The following SEMA5A variants were observed in gnomAD, a reference collection of about 807,000 sequenced individuals.
The protein encoded by SEMA5A is semaphorin-5A.
Under a neutral mutation model 135.5 loss-of-function variants are expected in SEMA5A, and 55 were observed. The observed-to-expected ratio is 0.41, with a 90% CI of 0.33 to 0.51. SEMA5A has a LOEUF of 0.51. Ranked by LOEUF, SEMA5A falls within the 20% of genes least tolerant of loss-of-function variation. SEMA5A has a pLI of 0.37. For missense variants in SEMA5A, 1,290 were observed against 1,419.9 expected (o/e 0.91, Z 1.47); for synonymous variants, 580 against 546.5 (o/e 1.06, Z -0.85).
At chr5:9,184,679 T>C (rs1744712415) in intron 11 of SEMA5A, among the ~76,000 whole-genome samples, 1 of 152,248 alleles carries the variant, frequency 6.6e-6, no homozygotes. Flanking sequence ...CTTCTATTTA[T>C]TCGCTTATCT....
At chr5:9,142,607 C>T (rs12519618) in intron 12 of SEMA5A, among the ~76,000 whole-genome samples, 135,773 of 152,230 alleles carry the variant, frequency 0.89, 61,182 homozygotes, top group Non-Finnish European at 0.97. Flanking sequence ...AAAATCTGTC[C>T]CATTCCTAAG....
At chr5:9,278,538 G>A (rs779251628) in intron 5 of SEMA5A, among the ~76,000 whole-genome samples, 3 of 152,224 alleles carry the variant, frequency 2.0e-5, no homozygotes, top group Non-Finnish European at 2.9e-5. Flanking sequence ...TAATCACCAA[G>A]GCAATGGGGA....
chr5:9,064,746 A>C (rs563783831), intron 17 of SEMA5A, among the ~76,000 whole-genome samples: 10 of 152,220 alleles, frequency 6.6e-5, no homozygotes, highest in Non-Finnish European at 1.2e-4. Flanking sequence ...ACAAGCAAAA[A>C]CCAAAAAATT....
At position 9,216,902 on chromosome 5, in the gene SEMA5A, T is replaced by C. The variant is rs77313226; in HGVS notation, c.646+7772A>G. ...TCATGTGACACAGGTCTCTTGAAGA[T>C]AGCACACTATTGAGTCTTGCCTCTT... On this transcript the variant is annotated intron_variant, in intron 8 of 22. Coordinates refer to ENST00000382496, the MANE Select transcript of SEMA5A (RefSeq NM_003966.3). 7.6e-3 allele frequency among the ~76,000 whole-genome samples: 1,152 copies of C among 152,332 alleles called. 15 individuals carry two copies. Among genetic ancestry groups the C allele is most frequent in the African/African-American group, 0.026 (1,098 of 41,576 alleles).
chr5:9,160,115 G>T (rs1403130095), intron 11 of SEMA5A, among the ~76,000 whole-genome samples: 2 of 152,098 alleles, frequency 1.3e-5, no homozygotes, highest in African/African-American at 4.8e-5. Context: ...AACCACCATG[G>T]CACACATATA....
At chr5:9,463,408 T>C (rs374622) in intron 1 of SEMA5A, among the ~76,000 whole-genome samples, 66,163 of 151,976 alleles carry the variant, frequency 0.44, 14,834 homozygotes, top group East Asian at 0.58. Context: ...GTCAGGACAA[T>C]ATCATGAACA....
chr5:9,307,244 G>A (rs971562234), intron 5 of SEMA5A, among the ~76,000 whole-genome samples: 2 of 152,174 alleles, frequency 1.3e-5, no homozygotes, highest in Admixed American at 1.3e-4. Context: ...ATTAAACATT[G>A]TGTTCTAATG....
chr5:9,234,666 C>T (rs1362930752), intron 6 of SEMA5A, among the ~76,000 whole-genome samples: 1 of 152,190 alleles, frequency 6.6e-6, no homozygotes, highest in Non-Finnish European at 1.5e-5. Context: ...GTGCTTGACA[C>T]TCATCTTCAT....
chr5:9,120,101 T>C (rs911273085), intron 14 of SEMA5A, among the ~76,000 whole-genome samples: 1 of 152,176 alleles, frequency 6.6e-6, no homozygotes, highest in African/African-American at 2.4e-5. Context: ...ATTTTATGTG[T>C]TAAAATATAT....
intron 8 of SEMA5A, among the ~76,000 whole-genome samples, chr5:9,220,899 A>G (rs945839045): frequency 6.6e-6 from 1 of 152,208 alleles, no homozygotes; most frequent in Non-Finnish European, 1.5e-5. Flanking sequence ...CAAAGGGCAG[A>G]GAAGATGAGA....
intron 4 of SEMA5A, among the ~76,000 whole-genome samples, chr5:9,329,816 T>C (rs535432375): frequency 5.8e-4 from 89 of 152,330 alleles, no homozygotes; most frequent in African/African-American, 2.0e-3. Flanking sequence ...CCAAAATCCA[T>C]GGATGCTCCA....
chr5:9,047,027 C>T (rs938343943), intron 21 of SEMA5A, among the ~76,000 whole-genome samples: 4 of 151,942 alleles, frequency 2.6e-5, no homozygotes, highest in Non-Finnish European at 5.9e-5. Context: ...GAACTGCCAA[C>T]CTGGGACAGA....
chr5:9,518,858 T>G (rs529314596), intron 1 of SEMA5A, among the ~76,000 whole-genome samples: 1 of 152,176 alleles, frequency 6.6e-6, no homozygotes, highest in South Asian at 2.1e-4. Flanking sequence ...AGTGATACTT[T>G]TATAGCCCAG....
intron 2 of SEMA5A, among the ~76,000 whole-genome samples, chr5:9,423,011 T>G (rs1452942466): frequency 6.6e-6 from 1 of 152,220 alleles, no homozygotes; most frequent in African/African-American, 2.4e-5. Flanking sequence ...CTTGAACAGT[T>G]GATGCAAATT....
At chr5:9,384,615 GATAC>G (rs1296399034) in intron 2 of SEMA5A, among the ~76,000 whole-genome samples, 2,531 of 99,882 alleles carry the variant, frequency 0.025, 78 homozygotes, top group Middle Eastern at 0.047. Context: ...TAGATAGATA[GATAC>G]ATAGATAGAT....
At chr5:9,406,116 A>G (rs1429005872) in intron 2 of SEMA5A, among the ~76,000 whole-genome samples, 1 of 152,254 alleles carries the variant, frequency 6.6e-6, no homozygotes, top group Non-Finnish European at 1.5e-5. Flanking sequence ...TAAAGCGAAC[A>G]TGGTTAAAAT....
chr5:9,336,415 T>C (rs1339476913), intron 4 of SEMA5A, among the ~76,000 whole-genome samples: 1 of 152,028 alleles, frequency 6.6e-6, no homozygotes, highest in African/African-American at 2.4e-5. Context: ...GAGGAGAACA[T>C]CTGGAGGCCA....
intron 13 of SEMA5A, among the ~76,000 whole-genome samples, chr5:9,128,730 C>T (rs1273954914): frequency 6.6e-6 from 1 of 152,052 alleles, no homozygotes; most frequent in East Asian, 1.9e-4. Context: ...TTGATAATAT[C>T]CCAAAGAATC....
At chr5:9,077,152 A>G (rs1168616929) in intron 16 of SEMA5A, among the ~76,000 whole-genome samples, 2 of 152,128 alleles carry the variant, frequency 1.3e-5, no homozygotes, top group East Asian at 1.9e-4. Flanking sequence ...AAATGCTTGT[A>G]ATACCTCCCA....
Sources: gnomAD v4.1 joint callset for allele counts (sites outside exome capture counted in the v4.1 genomes callset) on GRCh38, gnomAD v4.1.1 for gene constraint, MANE v1.5 for transcripts, NCBI Gene and HGNC (gene_info 2026-07-23, HGNC 2026-07-21) for gene names.